AUTS2: variants seen among roughly 807,000 people sequenced by gnomAD.
The protein encoded by AUTS2 is activator of transcription and developmental regulator AUTS2.
In AUTS2, 17 loss-of-function variants were observed where a neutral mutation model predicts 112.4. The observed-to-expected ratio is 0.15, with a 90% CI of 0.10 to 0.23. AUTS2 has a LOEUF of 0.23. Ranked by LOEUF, AUTS2 falls within the 10% of genes least tolerant of loss-of-function variation. AUTS2 has a pLI of 1.00. For missense variants in AUTS2, 1,510 were observed against 1,701.6 expected, an observed-to-expected ratio of 0.89 and a Z score of 1.98; for synonymous variants, 751 against 702.7, an observed-to-expected ratio of 1.07 and a Z score of -1.09.
rs2129536897 is a variant in AUTS2, at chr7:69,876,535, TA to T, written c.310-22750del. ...ATATATATATATATATATATATATA[TA>T]TATATATATTTTCAGTGTTCATATA... On this transcript the variant is annotated intron_variant, in intron 1 of 18. Transcript: ENST00000342771. Among the ~76,000 whole-genome samples the T allele has an allele frequency of 1.0e-4, 5 of 49,292 alleles. No individual in the cohort carries two copies. The South Asian group carries it at 1.9e-3, about 19-fold the overall frequency. The allele number at this position is 49,292 out of a possible 152,430, so 32.3% of individuals were successfully genotyped here. A position where few individuals can be genotyped will look rare whatever the true frequency, so the allele number is the denominator to read the frequency against.
rs188401422 is a variant in AUTS2, at chr7:69,917,599, T to C, written c.522+18101T>C. Among the ~76,000 whole-genome samples, 678 of 152,242 alleles carry C rather than the reference T, an allele frequency of 4.5e-3. 9 individuals are homozygous for C. Among genetic ancestry groups the C allele is most frequent in the African/African-American group, 0.015 (634 of 41,512 alleles). On this transcript the variant is annotated intron_variant, in intron 2 of 18. Transcript: ENST00000342771. ...TTAGTGCACCCATCACCTAGTAATG[T>C]AGGTTATAACTACATATTGTAGTAG...
intron 4 of AUTS2, among the ~76,000 whole-genome samples, chr7:70,223,473 T>C (rs1811592214): frequency 6.6e-6 from 1 of 152,220 alleles, no homozygotes; most frequent in Admixed American, 6.5e-5. Flanking sequence ...CTCTCACTTC[T>C]GTGCTGATGC....
At chr7:70,255,635 C>T (rs1011034790) in intron 4 of AUTS2, among the ~76,000 whole-genome samples, 3 of 152,106 alleles carry the variant, frequency 2.0e-5, no homozygotes, top group African/African-American at 7.2e-5. Flanking sequence ...ATAGTAATAT[C>T]CTTCAAAAGC....
chr7:69,947,096 C>T (rs998332480), intron 2 of AUTS2, among the ~76,000 whole-genome samples: 2 of 152,190 alleles, frequency 1.3e-5, no homozygotes, highest in South Asian at 2.1e-4. Context: ...CCGTACAAAA[C>T]TGTAAATGCT....
intron 1 of AUTS2, among the ~76,000 whole-genome samples, chr7:69,617,644 T>C (rs764236754): frequency 6.6e-6 from 1 of 152,190 alleles, no homozygotes; most frequent in African/African-American, 2.4e-5. Flanking sequence ...TGAAAGTGTT[T>C]TTGAATTTCC....
At position 70,303,434 on chromosome 7, in the gene AUTS2, G is replaced by GCACGCA. The variant is rs1554361425; in HGVS notation, c.661-132315_661-132314insGCACAC. On this transcript the variant is annotated intron_variant, in intron 4 of 18. Coordinates refer to ENST00000342771, the MANE Select transcript of AUTS2 (RefSeq NM_015570.4). ...CACGCACACACACACGCGCGCGCGC[G>GCACGCA]CACATACACACACACACACACACAC... Among the ~76,000 whole-genome samples, 8 of 142,052 alleles carry GCACGCA rather than the reference G, an allele frequency of 5.6e-5. No individual in the cohort carries two copies. The South Asian group carries it at 1.1e-3, about 20-fold the overall frequency. 93.2% of individuals were successfully genotyped at this position (142,052 alleles called of 152,430 possible).
intron 2 of AUTS2, among the ~76,000 whole-genome samples, chr7:70,101,327 A>C (rs1804482504): frequency 6.6e-6 from 1 of 152,050 alleles, no homozygotes; most frequent in Non-Finnish European, 1.5e-5. Flanking sequence ...TCAGCTCTTT[A>C]CATTTATTGA....
chr7:70,138,006 C>A (rs537854418), intron 4 of AUTS2, among the ~76,000 whole-genome samples: 2 of 152,186 alleles, frequency 1.3e-5, no homozygotes, highest in East Asian at 3.9e-4. Context: ...ATGAACATGA[C>A]GATGTTGGAA....
chr7:70,275,082 T>C (rs1267532337), intron 4 of AUTS2, among the ~76,000 whole-genome samples: 1 of 152,186 alleles, frequency 6.6e-6, no homozygotes, highest in Non-Finnish European at 1.5e-5. Flanking sequence ...TTGCATTTTA[T>C]TCTGTCACTG....
At chr7:70,003,726 A>G (rs1216847153) in intron 2 of AUTS2, among the ~76,000 whole-genome samples, 8 of 90,280 alleles carry the variant, frequency 8.9e-5, no homozygotes, top group African/African-American at 3.7e-4. Context: ...TTATATATGA[A>G]TATATATAAT....
At chr7:70,083,341 C>T (rs1249390273) in intron 2 of AUTS2, among the ~76,000 whole-genome samples, 2 of 152,120 alleles carry the variant, frequency 1.3e-5, no homozygotes, top group Non-Finnish European at 2.9e-5. Flanking sequence ...GTGTATTTTG[C>T]AGGGATAAGG....
At chr7:69,909,839 T>C (rs560522512) in intron 2 of AUTS2, among the ~76,000 whole-genome samples, 1 of 152,322 alleles carries the variant, frequency 6.6e-6, no homozygotes, top group South Asian at 2.1e-4. Context: ...AAATGCTATT[T>C]TCCTGGAGAT....
At chr7:69,698,949 CTT>C (rs1295473356) in intron 1 of AUTS2, among the ~76,000 whole-genome samples, 2 of 152,036 alleles carry the variant, frequency 1.3e-5, no homozygotes, top group African/African-American at 4.8e-5. Flanking sequence ...TCATATATAA[CTT>C]TGACTATATA....
intron 5 of AUTS2, among the ~76,000 whole-genome samples, chr7:70,513,609 A>G (rs2116821821): frequency 6.6e-6 from 1 of 151,900 alleles, no homozygotes; most frequent in South Asian, 2.1e-4. Context: ...GTCCAGACCT[A>G]ACCCCCTTAT....
intron 1 of AUTS2, among the ~76,000 whole-genome samples, chr7:69,846,766 G>T (rs1792220002): frequency 6.6e-6 from 1 of 152,134 alleles, no homozygotes; most frequent in Admixed American, 6.5e-5. Flanking sequence ...TAGAGACAGG[G>T]TTTCACCATG....
intron 2 of AUTS2, among the ~76,000 whole-genome samples, chr7:69,990,164 A>G (rs990879672): frequency 3.3e-5 from 5 of 152,218 alleles, no homozygotes; most frequent in Non-Finnish European, 7.3e-5. Flanking sequence ...CCTTATCTGT[A>G]AAATAGGGTT....
At chr7:70,538,613 G>A (rs931169644) in intron 5 of AUTS2, among the ~76,000 whole-genome samples, 14 of 152,278 alleles carry the variant, frequency 9.2e-5, no homozygotes, top group African/African-American at 2.6e-4. Flanking sequence ...AGGAGGAAGC[G>A]TTATATGTTT....
chr7:70,644,549 T>C (rs969843335), intron 5 of AUTS2, among the ~76,000 whole-genome samples: 1 of 152,162 alleles, frequency 6.6e-6, no homozygotes, highest in African/African-American at 2.4e-5. Context: ...ACCTGACTTC[T>C]CCCAGGTCTC....
chr7:70,257,759 G>T (rs1000866253), intron 4 of AUTS2, among the ~76,000 whole-genome samples: 7 of 151,844 alleles, frequency 4.6e-5, no homozygotes, highest in Admixed American at 2.0e-4. Context: ...TGCCCAGCCT[G>T]CCTATCCTAT....
Sources: allele counts gnomAD v4.1 joint callset (sites outside exome capture counted in the v4.1 genomes callset), GRCh38; gene constraint gnomAD v4.1.1; transcripts MANE v1.5; gene names NCBI Gene and HGNC (gene_info 2026-07-23, HGNC 2026-07-21).